Variants in ATG2B observed in about 807,000 individuals in gnomAD.
ATG2B encodes the protein autophagy related 2B.
Under a neutral mutation model 241.3 loss-of-function variants are expected in ATG2B, and 121 were observed. The ratio of observed to expected loss-of-function variants is 0.50; its 90% CI spans 0.43 to 0.58. ATG2B has a LOEUF of 0.58. Among genes scored for constraint, ATG2B ranks in the 20% least tolerant of loss-of-function variants. The pLI is 0.00. For synonymous variants in ATG2B, 858 were observed against 876.6 expected, an observed-to-expected ratio of 0.98 and a Z score of 0.37; for missense variants, 2,306 against 2,491.6, an observed-to-expected ratio of 0.93 and a Z score of 1.59.
chr14:96,332,533 T>C lies in ATG2B; in HGVS notation c.1330A>G (p.Thr444Ala), dbSNP rs777712369. ...ELSLTSTYTN[T>A]PAGSPLSATV... ...GCACTTAATGGAGATCCTGCTGGGG[T>C]ATTTGTATATGTACTAGTTAATGAT... The change falls in exon 9 of 42, where the codon ACC (threonine) becomes GCC (alanine). Residue 444 changes from threonine to alanine, a missense_variant. Transcript: ENST00000359933. 1.1e-5 allele frequency: 17 copies of C among 1,610,198 alleles called. No individual in the cohort carries two copies. Among genetic ancestry groups the C allele is most frequent in the Non-Finnish European group, 1.4e-5 (17 of 1,178,658 alleles).
intron 34 of ATG2B, among the ~76,000 whole-genome samples, chr14:96,299,009 C>T (rs1468177429): frequency 6.6e-6 from 1 of 151,756 alleles, no homozygotes; most frequent in Non-Finnish European, 1.5e-5. Flanking sequence ...ATTAATACTG[C>T]ACTATGACTT....
rs1888087400 is a variant in ATG2B, at chr14:96,343,147, G to A, written c.716C>T (p.Ser239Phe). 6.2e-7 allele frequency: 1 copy of A among 1,603,226 alleles called. No individual in the cohort carries two copies. The highest frequency in any genetic ancestry group is 8.5e-7 in the Non-Finnish European group (1 of 1,174,404). ...TGGTGCAGTTGAACACACTGGGGAAGATTTGGCTGATGCAGAAAACTCATC... is the reference window on the plus strand; with the variant it reads ...TGGTGCAGTTGAACACACTGGGGAAAATTTGGCTGATGCAGAAAACTCATC... ...FWDEFSASAK[S>F]SPVCSTAPVE... Residue 239 changes from serine to phenylalanine, a missense_variant, in exon 5 of 42, where the codon TCT (serine) becomes TTT (phenylalanine). By Grantham distance (155) the Ser-to-Phe change is radical (BLOSUM62 -2). Transcript: ENST00000359933.
chr14:96,340,085 T>G (rs1289236398), intron 6 of ATG2B, among the ~76,000 whole-genome samples: 2 of 110,556 alleles, frequency 1.8e-5, no homozygotes, highest in East Asian at 4.8e-4. Flanking sequence ...ATGATATATA[T>G]GAATATATGC....
intron 32 of ATG2B, 144 bp downstream of exon 32, chr14:96,304,351 G>C (rs1886873559): frequency 3.8e-6 from 2 of 533,180 alleles, no homozygotes; most frequent in Non-Finnish European, 6.8e-6. Context: ...ATGAAAAAGA[G>C]GTAAGAGTTT....
At chr14:96,319,750 A>G (rs1887411688) in intron 18 of ATG2B, among the ~76,000 whole-genome samples, 1 of 152,200 alleles carries the variant, frequency 6.6e-6, no homozygotes, top group Non-Finnish European at 1.5e-5. Flanking sequence ...CAAGTACTAA[A>G]CATTGAAGGG....
intron 6 of ATG2B, among the ~76,000 whole-genome samples, chr14:96,335,018 A>G (rs1887833403): frequency 1.3e-5 from 2 of 152,228 alleles, no homozygotes; most frequent in African/African-American, 2.4e-5. Flanking sequence ...CCCGCTCTGC[A>G]TGCAAGGGGA....
At chr14:96,315,874 T>C (rs1158967731) in intron 21 of ATG2B, among the ~76,000 whole-genome samples, 1 of 152,132 alleles carries the variant, frequency 6.6e-6, no homozygotes, top group Non-Finnish European at 1.5e-5. Flanking sequence ...AGGTAACTGC[T>C]CAAAAAATGG....
At chr14:96,287,082 C>T (rs190190403) in intron 41 of ATG2B, among the ~76,000 whole-genome samples, 186 of 151,808 alleles carry the variant, frequency 1.2e-3, no homozygotes, top group African/African-American at 4.2e-3. Flanking sequence ...AGTGAAACCC[C>T]GTCTCTACTA....
chr14:96,322,776 G>A (rs369724496), intron 16 of ATG2B, 41 bp from the exon 17 acceptor site: 3 of 1,548,722 alleles, frequency 1.9e-6, no homozygotes, highest in African/African-American at 1.4e-5. Flanking sequence ...AGATCTAAGT[G>A]TAAACAGCAA....
intron 16 of ATG2B, among the ~76,000 whole-genome samples, chr14:96,323,103 A>G (rs768690697): frequency 6.6e-6 from 1 of 152,222 alleles, no homozygotes; most frequent in Non-Finnish European, 1.5e-5. Flanking sequence ...TGTCTACCTA[A>G]GAAACCTCAT....
chr14:96,290,666 A>G lies in ATG2B; in HGVS notation c.5702-76T>C. 4 of 1,574,634 alleles carry G rather than the reference A, an allele frequency of 2.5e-6. No homozygotes were observed. Among genetic ancestry groups the G allele is most frequent in the Non-Finnish European group, 3.5e-6 (4 of 1,159,352 alleles). ...TATCATTCTAACCCTGGGGTTTTTA[A>G]CTCCTAAAACTGGAGGCAAAGTTTT... is the stretch of plus-strand genomic sequence containing the variant. On this transcript the variant is annotated intron_variant, in intron 39 of 41. Coordinates refer to ENST00000359933, the MANE Select transcript of ATG2B (RefSeq NM_018036.7). The surrounding 1 kb of genome is among the most constrained non-coding windows in gnomAD (Gnocchi z 4.4).
Position 96,323,980 on chromosome 14 carries a change from T to C in ATG2B, c.2456A>G (p.Lys819Arg). 6.2e-7 allele frequency: 1 copy of C among 1,604,724 alleles called. No homozygotes were observed. The highest frequency in any genetic ancestry group is 8.5e-7 in the Non-Finnish European group (1 of 1,176,712). Residue 819 changes from lysine to arginine, a missense_variant, in exon 16 of 42, where the codon AAA (lysine) becomes AGA (arginine). Lys to Arg is a conservative substitution (Grantham distance 26). Transcript: ENST00000359933. ...GAAAAACTTAATAGATGGATCTCCT[T>C]TCTCTTCCTGGAACGATCCTAAAAA... ...RELIGSFQEE[K>R]GDPSIKFFHV... is the part of the protein sequence containing the mutation.
At chr14:96,335,434 T>C (rs961199615) in intron 6 of ATG2B, among the ~76,000 whole-genome samples, 10 of 152,240 alleles carry the variant, frequency 6.6e-5, no homozygotes, top group East Asian at 5.8e-4. Context: ...TCCAGTAAAA[T>C]AAATCATTAT....
chr14:96,315,728 A>G lies in ATG2B; in HGVS notation c.3362-145T>C, dbSNP rs1009553825. The G allele has an allele frequency of 1.7e-5, 11 of 641,582 alleles. No individual in the cohort carries two copies. The East Asian group carries it at 3.0e-4, about 18-fold the overall frequency. 39.7% of individuals were successfully genotyped at this position (641,582 alleles called of 1,614,324 possible). A position where few individuals can be genotyped will look rare whatever the true frequency, so the allele number is the denominator to read the frequency against. ...TGATGACAAAAACCAGCATGGCATT[A>G]ATAATCCACTCCTCTTTGCTAATGT... On this transcript the variant is annotated intron_variant, in intron 21 of 41. Coordinates refer to ENST00000359933, the MANE Select transcript of ATG2B (RefSeq NM_018036.7).
chr14:96,323,432 C>T (rs1000339339), intron 16 of ATG2B, among the ~76,000 whole-genome samples: 3 of 152,202 alleles, frequency 2.0e-5, no homozygotes, highest in African/African-American at 7.2e-5. Flanking sequence ...ATGGAACCCT[C>T]AAAGAGAATA....
intron 10 of ATG2B, 144 bp downstream of exon 10, chr14:96,332,161 T>C (rs906906729): frequency 8.1e-6 from 5 of 614,862 alleles, no homozygotes; most frequent in African/African-American, 7.4e-5. Flanking sequence ...TCACAGTGAA[T>C]TGTTTAACAA....
intron 34 of ATG2B, among the ~76,000 whole-genome samples, chr14:96,301,351 C>T (rs1350782798): frequency 1.3e-5 from 2 of 152,164 alleles, no homozygotes; most frequent in African/African-American, 4.8e-5. Context: ...AGGTCTGACT[C>T]CAAACCCATG....
chr14:96,328,307 C>A, intron 14 of ATG2B, 40 bp downstream of exon 14: 1 of 1,409,786 alleles, frequency 7.1e-7, no homozygotes, highest in South Asian at 1.4e-5. Context: ...TATTAGCTAA[C>A]CATAATTATG....
chr14:96,304,527 G>C lies in ATG2B; in HGVS notation c.4810C>G (p.His1604Asp), dbSNP rs1477657001. The change falls in exon 32 of 42, where the codon CAT becomes GAT. Residue 1604 changes from histidine (H) to aspartate (D), a missense_variant. His to Asp is a moderately conservative substitution (Grantham distance 81, BLOSUM62 -1). Coordinates refer to ENST00000359933, the MANE Select transcript of ATG2B (RefSeq NM_018036.7). Reference protein sequence around the residue: ...NTVCGGKGRNHDFLMEIQLSK... With the variant: ...NTVCGGKGRNDDFLMEIQLSK... ...AGCTGTATTTCCATTAAAAAGTCATGGTTCCTTCCTTTTCCCCCACATACT... is the reference window on the plus strand; with the variant it reads ...AGCTGTATTTCCATTAAAAAGTCATCGTTCCTTCCTTTTCCCCCACATACT... 1.2e-6 allele frequency: 2 copies of C among 1,613,026 alleles called. No individual in the cohort carries two copies. Among genetic ancestry groups the C allele is most frequent in the African/African-American group, 2.7e-5 (2 of 74,856 alleles).
Sources: allele counts gnomAD v4.1 joint callset (sites outside exome capture counted in the v4.1 genomes callset), GRCh38; gene constraint gnomAD v4.1.1; non-coding constraint Gnocchi (gnomAD v3.1); transcripts MANE v1.5; gene names NCBI Gene and HGNC (gene_info 2026-07-23, HGNC 2026-07-21).